The following LYG2 variants were observed in gnomAD, a reference collection of about 807,000 sequenced individuals.
The protein encoded by LYG2 is lysozyme g-like protein 2.
LYG2 carries 25 observed loss-of-function variants against 22.4 expected under a neutral mutation model. That is an observed-to-expected ratio of 1.12 (90% CI 0.81 to 1.56). The LOEUF (loss-of-function observed/expected upper bound fraction) is 1.56. LYG2 is among the 40% of genes most tolerant of loss of function. The pLI is 0.00. For synonymous variants in LYG2, 88 were observed against 97.0 expected (o/e 0.91, Z 0.55); for missense variants, 266 against 269.5 (o/e 0.99, Z 0.09).
intron 4 of LYG2, among the ~76,000 whole-genome samples, chr2:99,246,289 C>T (rs2094015956): frequency 6.6e-6 from 1 of 152,130 alleles, no homozygotes; most frequent in Admixed American, 6.5e-5. Context: ...TCTGATGTGA[C>T]CTTGTGGTTG....
intron 3 of LYG2, among the ~76,000 whole-genome samples, chr2:99,247,437 GTT>G (rs1001184117): frequency 1.6e-4 from 22 of 141,898 alleles, no homozygotes; most frequent in African/African-American, 4.4e-4. Context: ...AAACTTGAGA[GTT>G]TTTTTTTTTT....
At chr2:99,243,865 T>C (rs1315243424) in intron 6 of LYG2, 134 bp downstream of exon 6, 4 of 965,540 alleles carry the variant, frequency 4.1e-6, no homozygotes, top group Non-Finnish European at 6.3e-6. Flanking sequence ...GGAATGCAAA[T>C]GCAGCCTCTA....
At chr2:99,252,662 G>T (rs897713297) in intron 3 of LYG2, among the ~76,000 whole-genome samples, 1 of 152,136 alleles carries the variant, frequency 6.6e-6, no homozygotes, top group Non-Finnish European at 1.5e-5. Flanking sequence ...GACAGGTTCA[G>T]TATCCTTTCA....
At chr2:99,243,928 C>A in intron 6 of LYG2, 71 bp downstream of exon 6, 1 of 1,583,690 alleles carries the variant, frequency 6.3e-7, no homozygotes, top group Non-Finnish European at 8.7e-7. Context: ...CCCAGGGAGT[C>A]TCGGGTCACA....
At chr2:99,258,196 T>C (rs576561681), upstream of LYG2, among the ~76,000 whole-genome samples, 1 of 152,224 alleles carries the variant, frequency 6.6e-6, no homozygotes. Flanking sequence ...AGGATGACCA[T>C]AGCCAACTCA....
At chr2:99,258,645 G>A (rs777214669), upstream of LYG2, among the ~76,000 whole-genome samples, 5 of 152,194 alleles carry the variant, frequency 3.3e-5, no homozygotes, top group Non-Finnish European at 7.3e-5. Context: ...TAAAATGGGG[G>A]AGCTGCCCAA....
chr2:99,252,533 T>G (rs2094028431), intron 3 of LYG2, among the ~76,000 whole-genome samples: 1 of 152,168 alleles, frequency 6.6e-6, no homozygotes, highest in Non-Finnish European at 1.5e-5. Flanking sequence ...GGAACAATGC[T>G]TGGCACAAAG....
At chr2:99,256,142 A>G (rs1480363052), upstream of LYG2, among the ~76,000 whole-genome samples, 2 of 152,184 alleles carry the variant, frequency 1.3e-5, no homozygotes, top group Non-Finnish European at 2.9e-5. Flanking sequence ...GCAACTTCCC[A>G]GCTCCCTGGC....
chr2:99,242,330 A>C lies in LYG2; in HGVS notation c.*34T>G. The C allele has an allele frequency of 1.5e-6, 2 of 1,347,232 alleles. No individual in the cohort carries two copies. The highest frequency in any genetic ancestry group is 2.1e-6 in the Non-Finnish European group (2 of 949,166). 83.5% of individuals were successfully genotyped at this position (1,347,232 alleles called of 1,614,324 possible). A position where few individuals can be genotyped will look rare whatever the true frequency, so the allele number is the denominator to read the frequency against. On this transcript the variant is annotated 3_prime_UTR_variant, in exon 7 of 7. Coordinates refer to ENST00000333017, the MANE Select transcript of LYG2 (RefSeq NM_175735.4). ...AACTCTCAAAGGCGGCCATCTGAGC[A>C]CTCTGCCAACCTGGCCCACCCACAG...
chr2:99,254,355 G>A (rs2105275928), intron 2 of LYG2, 70 bp from the exon 3 acceptor site: 1 of 1,276,472 alleles, frequency 7.8e-7, no homozygotes, highest in Non-Finnish European at 1.1e-6. Context: ...AATTTGCTTT[G>A]ATATTTTAAA....
At chr2:99,260,786 C>T in the LYG2 span, among the ~76,000 whole-genome samples, 4 of 152,140 alleles carry the variant, frequency 2.6e-5, no homozygotes, top group African/African-American at 9.7e-5. Flanking sequence ...GGGACTGCCT[C>T]TTCCATTGTA....
At chr2:99,243,879 A>G (rs1011795050) in intron 6 of LYG2, 120 bp downstream of exon 6, 2 of 1,150,834 alleles carry the variant, frequency 1.7e-6, no homozygotes, top group Non-Finnish European at 1.3e-6. Context: ...GCCTCTAGAC[A>G]GCTCCTCCCA....
intron 6 of LYG2, chr2:99,243,442 T>C (rs1255316471): frequency 1.3e-6 from 2 of 1,549,976 alleles, no homozygotes; most frequent in Non-Finnish European, 1.7e-6. Context: ...ATTTGGAAAG[T>C]TGTTGACAGT....
upstream of LYG2, among the ~76,000 whole-genome samples, chr2:99,258,442 C>T (rs141442302): frequency 0.011 from 1,652 of 152,272 alleles, 9 homozygotes; most frequent in Middle Eastern, 0.024. Flanking sequence ...GAAAAATAAA[C>T]AGCTGAATTA....
upstream of LYG2, among the ~76,000 whole-genome samples, chr2:99,257,749 G>T (rs923018328): frequency 6.6e-6 from 1 of 152,192 alleles, no homozygotes; most frequent in African/African-American, 2.4e-5. Flanking sequence ...CTTCTGGGGA[G>T]TCCTAACAGA....
intron 6 of LYG2, 92 bp downstream of exon 6, chr2:99,243,907 G>T (rs893142359): frequency 1.3e-6 from 2 of 1,486,894 alleles, no homozygotes; most frequent in East Asian, 2.3e-5. Context: ...TGCTGACCCC[G>T]TGGAAATGCT....
upstream of LYG2, among the ~76,000 whole-genome samples, chr2:99,259,663 A>G (rs1056557530): frequency 9.2e-5 from 14 of 152,240 alleles, no homozygotes; most frequent in Non-Finnish European, 1.8e-4. Flanking sequence ...GCTTCCCCCA[A>G]TGGCAATGTC....
At chr2:99,250,789 A>G (rs1373331078) in intron 3 of LYG2, among the ~76,000 whole-genome samples, 1 of 152,250 alleles carries the variant, frequency 6.6e-6, no homozygotes, top group Non-Finnish European at 1.5e-5. Flanking sequence ...GTTTTGTGAT[A>G]GGCTGTTCAT....
upstream of LYG2, among the ~76,000 whole-genome samples, chr2:99,257,761 T>A (rs2094038935): frequency 6.6e-6 from 1 of 152,160 alleles, no homozygotes; most frequent in Non-Finnish European, 1.5e-5. Context: ...CCTAACAGAT[T>A]TGGGGTTCCT....
Sources: allele counts gnomAD v4.1 joint callset (sites outside exome capture counted in the v4.1 genomes callset), GRCh38; gene constraint gnomAD v4.1.1; transcripts MANE v1.5; gene names NCBI Gene and HGNC (gene_info 2026-07-23, HGNC 2026-07-21).